POU6F2: variants seen among roughly 807,000 people sequenced by gnomAD.
POU6F2 encodes POU class 6 homeobox 2.
POU6F2 carries 31 observed loss-of-function variants against 71.3 expected under a neutral mutation model. The ratio of observed to expected loss-of-function variants is 0.43; its 90% CI spans 0.33 to 0.59. The LOEUF is 0.59. Among genes scored for constraint, POU6F2 ranks in the 20% least tolerant of loss-of-function variants. The pLI is 0.04. For missense variants in POU6F2, 783 were observed against 856.8 expected (o/e 0.91, Z 1.07); for synonymous variants, 347 against 355.7 (o/e 0.98, Z 0.27).
intron 5 of POU6F2, among the ~76,000 whole-genome samples, chr7:39,394,527 G>A (rs1787135317): frequency 6.6e-6 from 1 of 152,038 alleles, no homozygotes; most frequent in South Asian, 2.1e-4. Flanking sequence ...CTCATACATG[G>A]GCTTCCTATT....
At chr7:39,066,475 G>A (rs974719236) in intron 1 of POU6F2, among the ~76,000 whole-genome samples, 4 of 151,656 alleles carry the variant, frequency 2.6e-5, no homozygotes, top group East Asian at 1.9e-4. Flanking sequence ...AGAATCAACC[G>A]AAAACTCAAT....
At chr7:39,223,851 C>A (rs539497247) in intron 4 of POU6F2, among the ~76,000 whole-genome samples, 1 of 152,130 alleles carries the variant, frequency 6.6e-6, no homozygotes, top group African/African-American at 2.4e-5. Flanking sequence ...TTTACTCTAG[C>A]CTTAATTTTT....
chr7:39,006,450 C>A (rs1462398771), intron 1 of POU6F2, among the ~76,000 whole-genome samples: 1 of 151,684 alleles, frequency 6.6e-6, no homozygotes, highest in Non-Finnish European at 1.5e-5. Context: ...GGTGACAGAG[C>A]AAGACTCAGT....
intron 4 of POU6F2, among the ~76,000 whole-genome samples, chr7:39,330,786 G>A (rs916436002): frequency 5.3e-5 from 8 of 151,910 alleles, no homozygotes; most frequent in Admixed American, 2.0e-4. Context: ...TCATTATTTC[G>A]TGCATTTATC....
intron 2 of POU6F2, among the ~76,000 whole-genome samples, chr7:39,190,887 C>T (rs557995792): frequency 1.2e-4 from 18 of 152,022 alleles, no homozygotes; most frequent in African/African-American, 4.3e-4. Flanking sequence ...CTGCCTGCCT[C>T]AGCTCCCAAA....
At chr7:39,360,822 G>T (rs1357389168) in intron 5 of POU6F2, among the ~76,000 whole-genome samples, 1 of 152,118 alleles carries the variant, frequency 6.6e-6, no homozygotes, top group Non-Finnish European at 1.5e-5. Flanking sequence ...CATTGCTATG[G>T]CATTTGTAAA....
intron 5 of POU6F2, among the ~76,000 whole-genome samples, chr7:39,361,849 C>T (rs933725645): frequency 5.3e-5 from 8 of 152,132 alleles, no homozygotes; most frequent in Non-Finnish European, 8.8e-5. Flanking sequence ...AATGTTTGAG[C>T]TCGGGTGTTT....
intron 2 of POU6F2, among the ~76,000 whole-genome samples, chr7:39,126,213 G>A (rs1792134364): frequency 6.6e-6 from 1 of 152,176 alleles, no homozygotes. Context: ...AAGGTATAAG[G>A]TATACAGCAC....
At chr7:39,333,630 C>T (rs569173195) in intron 4 of POU6F2, among the ~76,000 whole-genome samples, 171 of 152,062 alleles carry the variant, frequency 1.1e-3, no homozygotes, top group African/African-American at 3.8e-3. Context: ...CCCAGCTACT[C>T]GGGAGGCTGA....
At chr7:39,422,333 C>T (rs1787867377) in intron 6 of POU6F2, among the ~76,000 whole-genome samples, 1 of 151,958 alleles carries the variant, frequency 6.6e-6, no homozygotes, top group South Asian at 2.1e-4. Flanking sequence ...AAGTAATATT[C>T]AAATAAATAA....
At chr7:39,011,424 C>T (rs1363667892) in intron 1 of POU6F2, among the ~76,000 whole-genome samples, 150 of 148,450 alleles carry the variant, frequency 1.0e-3, no homozygotes, top group African/African-American at 3.6e-3. Context: ...TGTCTCTGCA[C>T]GTGAGATGGG....
At chr7:39,082,691 C>T (rs1327035861) in intron 1 of POU6F2, among the ~76,000 whole-genome samples, 1 of 151,820 alleles carries the variant, frequency 6.6e-6, no homozygotes, top group African/African-American at 2.4e-5. Context: ...TCACTGGTTA[C>T]TGCTTGTGAC....
At chr7:39,445,606 C>A (rs1293908565) in intron 7 of POU6F2, among the ~76,000 whole-genome samples, 3 of 152,156 alleles carry the variant, frequency 2.0e-5, no homozygotes, top group Non-Finnish European at 4.4e-5. Context: ...AAAAGGATAA[C>A]TTCCTCCTCT....
chr7:39,352,787 G>A (rs1208074994), intron 5 of POU6F2, among the ~76,000 whole-genome samples: 4 of 151,988 alleles, frequency 2.6e-5, no homozygotes, highest in Non-Finnish European at 5.9e-5. Context: ...ACATGTGCAG[G>A]TTTGTTACAA....
chr7:39,217,032 A>C (rs1794258040), intron 4 of POU6F2, among the ~76,000 whole-genome samples: 1 of 152,144 alleles, frequency 6.6e-6, no homozygotes, highest in African/African-American at 2.4e-5. Flanking sequence ...AGAAATTCTT[A>C]TATTAATAGG....
At chr7:39,168,800 A>G (rs868334354) in intron 2 of POU6F2, among the ~76,000 whole-genome samples, 1 of 152,120 alleles carries the variant, frequency 6.6e-6, no homozygotes, top group African/African-American at 2.4e-5. Flanking sequence ...TTTTGTCCCC[A>G]CTGCCATTTT....
chr7:39,353,444 A>G lies in POU6F2; in HGVS notation c.972+13429A>G, dbSNP rs115503916. On this transcript the variant is annotated intron_variant, in intron 5 of 9. Coordinates refer to ENST00000518318, the MANE Select transcript of POU6F2 (RefSeq NM_001370959.1). ...TCATAGTCACTTACATGTATTTTCA[A>G]TATTTGTATGTATGCATACTTGCGT... is the stretch of plus-strand genomic sequence containing the variant. Among the ~76,000 whole-genome samples the G allele has an allele frequency of 5.2e-3, 791 of 152,378 alleles. 7 individuals carry two copies. Among genetic ancestry groups the G allele is most frequent in the African/African-American group, 0.018 (738 of 41,592 alleles).
At chr7:39,286,320 G>T (rs1784649202) in intron 4 of POU6F2, among the ~76,000 whole-genome samples, 2 of 152,148 alleles carry the variant, frequency 1.3e-5, no homozygotes, top group African/African-American at 2.4e-5. Flanking sequence ...CAGTTTACAA[G>T]GAGGAAACAT....
intron 1 of POU6F2, among the ~76,000 whole-genome samples, chr7:39,078,162 C>T (rs1422860299): frequency 2.0e-5 from 3 of 152,194 alleles, no homozygotes; most frequent in East Asian, 1.9e-4. Context: ...TTATTAAACA[C>T]GCTTTTATTG....
Sources: gnomAD v4.1 joint callset for allele counts (sites outside exome capture counted in the v4.1 genomes callset) on GRCh38, gnomAD v4.1.1 for gene constraint, MANE v1.5 for transcripts, NCBI Gene and HGNC (gene_info 2026-07-23, HGNC 2026-07-21) for gene names.